FGF12: variants seen among roughly 807,000 people sequenced by gnomAD.
FGF12 encodes fibroblast growth factor 12B.
Under a neutral mutation model 23.6 loss-of-function variants are expected in FGF12, and 14 were observed. The observed-to-expected ratio is 0.59, with a 90% CI of 0.39 to 0.93. FGF12 has a LOEUF of 0.93. Among genes scored for constraint, FGF12 ranks in the 40% least tolerant of loss-of-function variants. The probability of loss-of-function intolerance (pLI) is 0.00; values close to 1 mark genes in which losing one functional copy is unlikely to be tolerated. For synonymous variants in FGF12, 62 were observed against 77.3 expected (o/e 0.80, Z 1.04); for missense variants, 175 against 217.8 (o/e 0.80, Z 1.24).
intron 2 of FGF12, among the ~76,000 whole-genome samples, chr3:192,469,896 C>A (rs1723121388): frequency 6.6e-6 from 1 of 152,120 alleles, no homozygotes; most frequent in Non-Finnish European, 1.5e-5. Context: ...AAAACACACG[C>A]CTACATAAAA....
At chr3:192,561,911 GAAAAAAAGAAAGAAA>G in intron 2 of FGF12, among the ~76,000 whole-genome samples, 1 of 94,162 alleles carries the variant, frequency 1.1e-5, no homozygotes, top group South Asian at 3.6e-4. Flanking sequence ...TAATAATAAA[GAAAAAAAGAAAGAAA>G]AAAAAAAGAA....
chr3:192,203,055 A>G (rs1407616998), intron 4 of FGF12, among the ~76,000 whole-genome samples: 1 of 152,156 alleles, frequency 6.6e-6, no homozygotes, highest in African/African-American at 2.4e-5. Context: ...TTCAGTCTAT[A>G]TATAATATTA....
intron 2 of FGF12, among the ~76,000 whole-genome samples, chr3:192,564,103 G>T: frequency 6.6e-6 from 1 of 151,986 alleles, no homozygotes; most frequent in South Asian, 2.1e-4. Context: ...TCCCTCTGTA[G>T]CCCAGGCTGG....
intron 2 of FGF12, among the ~76,000 whole-genome samples, chr3:192,526,943 A>T (rs1459318898): frequency 6.6e-6 from 1 of 152,224 alleles, no homozygotes; most frequent in Non-Finnish European, 1.5e-5. Flanking sequence ...GTCTTGAAAA[A>T]ATCCAAAAGA....
At chr3:192,411,895 A>T (rs1035849715) in intron 2 of FGF12, among the ~76,000 whole-genome samples, 2 of 152,198 alleles carry the variant, frequency 1.3e-5, no homozygotes, top group African/African-American at 4.8e-5. Flanking sequence ...GCAGAAGTGA[A>T]TATGCATGTG....
At chr3:192,495,898 A>G (rs1723941711) in intron 2 of FGF12, among the ~76,000 whole-genome samples, 1 of 152,108 alleles carries the variant, frequency 6.6e-6, no homozygotes, top group Admixed American at 6.6e-5. Flanking sequence ...CCTGGGCTCC[A>G]GCAATCCACC....
intron 2 of FGF12, among the ~76,000 whole-genome samples, chr3:192,379,010 A>G (rs1457329036): frequency 2.0e-5 from 3 of 152,096 alleles, no homozygotes; most frequent in African/African-American, 7.2e-5. Context: ...AACATGTGGT[A>G]TTTGGTTTTC....
At chr3:192,401,153 A>G (rs1395256527) in intron 2 of FGF12, among the ~76,000 whole-genome samples, 1 of 152,250 alleles carries the variant, frequency 6.6e-6, no homozygotes, top group Non-Finnish European at 1.5e-5. Flanking sequence ...TTTCCAAAAC[A>G]AACAAAAAGG....
At chr3:192,198,610 TA>T (rs1374409582) in intron 4 of FGF12, among the ~76,000 whole-genome samples, 2 of 152,200 alleles carry the variant, frequency 1.3e-5, no homozygotes, top group Non-Finnish European at 2.9e-5. Flanking sequence ...CTGCTGAGGA[TA>T]TTAGAAAGAT....
At chr3:192,223,721 G>T (rs1453112031) in intron 4 of FGF12, among the ~76,000 whole-genome samples, 2 of 151,956 alleles carry the variant, frequency 1.3e-5, no homozygotes, top group Non-Finnish European at 2.9e-5. Context: ...ATATAAAACT[G>T]TACTAGGATA....
chr3:192,630,929 C>T (rs546298713), intron 2 of FGF12, among the ~76,000 whole-genome samples: 7 of 152,166 alleles, frequency 4.6e-5, no homozygotes, highest in Non-Finnish European at 1.0e-4. Context: ...CTTCTTCCCC[C>T]CAACAGCTGA....
At chr3:192,294,877 G>A (rs1288004501) in intron 4 of FGF12, among the ~76,000 whole-genome samples, 3 of 152,136 alleles carry the variant, frequency 2.0e-5, no homozygotes, top group Non-Finnish European at 4.4e-5. Context: ...GCTCCCTTGA[G>A]TATATAAAAC....
At chr3:192,704,925 T>C (rs1446202647) in intron 2 of FGF12, among the ~76,000 whole-genome samples, 1 of 152,236 alleles carries the variant, frequency 6.6e-6, no homozygotes, top group Non-Finnish European at 1.5e-5. Context: ...TGCTAGTTTC[T>C]AACTTTTATT....
intron 4 of FGF12, among the ~76,000 whole-genome samples, chr3:192,272,334 C>T (rs149490529): frequency 1.6e-4 from 24 of 152,064 alleles, no homozygotes; most frequent in South Asian, 1.0e-3. Context: ...GGAAAGGGGA[C>T]GGGGAGGTTA....
At chr3:192,181,709 C>T (rs1716189693) in intron 4 of FGF12, among the ~76,000 whole-genome samples, 1 of 144,826 alleles carries the variant, frequency 6.9e-6, no homozygotes, top group South Asian at 2.3e-4. Context: ...CTGTTCGCTG[C>T]AACCTCCACT....
At chr3:192,434,628 T>C (rs760379796) in intron 2 of FGF12, among the ~76,000 whole-genome samples, 4 of 152,122 alleles carry the variant, frequency 2.6e-5, no homozygotes, top group Non-Finnish European at 5.9e-5. Flanking sequence ...GGAGTTGACT[T>C]TTTTGAGTTC....
At chr3:192,702,291 A>G (rs1455350285) in intron 2 of FGF12, among the ~76,000 whole-genome samples, 2 of 152,172 alleles carry the variant, frequency 1.3e-5, no homozygotes, top group African/African-American at 2.4e-5. Context: ...TTGTTTCCAT[A>G]TCTTGGCTAT....
intron 2 of FGF12, among the ~76,000 whole-genome samples, chr3:192,563,673 T>C (rs1311305573): frequency 2.0e-5 from 3 of 152,230 alleles, no homozygotes; most frequent in African/African-American, 7.2e-5. Context: ...AGAGAAATTC[T>C]ACATAATTAA....
chr3:192,446,229 A>G (rs1377570272), intron 2 of FGF12, among the ~76,000 whole-genome samples: 1 of 152,266 alleles, frequency 6.6e-6, no homozygotes, highest in Non-Finnish European at 1.5e-5. Flanking sequence ...TTACCCTTTT[A>G]GCACAAATAC....
Sources: allele counts gnomAD v4.1 joint callset (sites outside exome capture counted in the v4.1 genomes callset), GRCh38; gene constraint gnomAD v4.1.1; transcripts MANE v1.5; gene names NCBI Gene and HGNC (gene_info 2026-07-23, HGNC 2026-07-21).